The following MTA3 variants were observed in gnomAD, a reference collection of about 807,000 sequenced individuals.
MTA3 encodes metastasis-associated protein MTA3.
A neutral mutation model predicts 83.5 loss-of-function variants in MTA3; 34 were observed. That is an observed-to-expected ratio of 0.41 (90% CI 0.31 to 0.54). The LOEUF (loss-of-function observed/expected upper bound fraction) is 0.54. Ranked by LOEUF, MTA3 falls within the 20% of genes least tolerant of loss-of-function variation. The pLI, the probability that MTA3 is intolerant of heterozygous loss-of-function variation, is 0.33. For synonymous variants in MTA3, 303 were observed against 252.7 expected (o/e 1.20, Z -1.89); for missense variants, 761 against 726.4 (o/e 1.05, Z -0.55).
intron 8 of MTA3, among the ~76,000 whole-genome samples, chr2:42,673,584 T>A (rs1691040531): frequency 6.6e-6 from 1 of 152,230 alleles, no homozygotes; most frequent in African/African-American, 2.4e-5. Flanking sequence ...TGGAAGCAGA[T>A]TCTGATAGCA....
chr2:42,663,200 T>G (rs1689894491), intron 8 of MTA3, among the ~76,000 whole-genome samples: 2 of 152,278 alleles, frequency 1.3e-5, no homozygotes, highest in East Asian at 1.9e-4. Context: ...CCTGCTTGAG[T>G]GCAAGTGGAA....
chr2:42,601,201 A>G (rs1490680511), intron 3 of MTA3, among the ~76,000 whole-genome samples: 1 of 152,064 alleles, frequency 6.6e-6, no homozygotes, highest in African/African-American at 2.4e-5. Context: ...ACCATCCCTG[A>G]CCCATTTTTT....
At chr2:42,742,142 C>CTTT (rs779331968) in intron 16 of MTA3, among the ~76,000 whole-genome samples, 1 of 141,166 alleles carries the variant, frequency 7.1e-6, no homozygotes, top group Admixed American at 7.0e-5. Context: ...TTCTTTCTTT[C>CTTT]TTTTTTTTTT....
Position 42,524,481 on chromosome 2 carries a change from T to TTG in MTA3, c.-141+29228_-141+29229insGT, listed in dbSNP as rs1553337471. On this transcript the variant is annotated intron_variant, in intron 2 of 17. Coordinates refer to the MTA3 transcript ENST00000405592. ...ACGCCTGGCTAGTTGTGTTTTTTTT[T>TTG]TTTTTTTTTTTTTTTGTATTTTTTA... Among the ~76,000 whole-genome samples the TTG allele has an allele frequency of 4.6e-4, 60 of 130,320 alleles. No homozygotes were observed. In the East Asian group the frequency reaches 6.4e-3, roughly 14 times the overall value. The allele number at this position is 130,320 out of a possible 152,430, so 85.5% of individuals were successfully genotyped here.
Position 42,659,764 on chromosome 2 carries a change from G to C in MTA3, c.604G>C (p.Ala202Pro). ...TTATTGTGTTTGTGGTTTATTCAGT[G>C]CTGTTGGGACATTCGCCAGAGCCCT... is the stretch of plus-strand genomic sequence containing the variant. The part of the protein sequence containing the change: ...QIDQFLVVAR[A>P]VGTFARALDC... The change falls in exon 8 of 17, where the codon GCT becomes CCT. Residue 202 changes from alanine to proline, a missense_variant and splice_region_variant. Transcript: ENST00000405094. The C allele has an allele frequency of 6.3e-7, 1 of 1,591,340 alleles. No homozygotes were observed. The highest frequency in any genetic ancestry group is 8.6e-7 in the Non-Finnish European group (1 of 1,169,284).
intron 9 of MTA3, among the ~76,000 whole-genome samples, chr2:42,692,574 A>G (rs944981655): frequency 6.6e-6 from 1 of 151,930 alleles, no homozygotes; most frequent in African/African-American, 2.4e-5. Context: ...ACAGACATGC[A>G]TCACTATGCC....
rs534978863 is a variant in MTA3, at chr2:42,747,574, C to T, written c.1760-5800C>T. Among the ~76,000 whole-genome samples the T allele has an allele frequency of 8.0e-4, 121 of 151,190 alleles. 2 individuals carry two copies. Among genetic ancestry groups the T allele is most frequent in the African/African-American group, 2.8e-3 (115 of 41,278 alleles). ...GGCCTGCTCTTGAAGCTTTAAGGTG[C>T]CCCAACAGTATAACAAGCGCAATGG... On this transcript the variant is annotated intron_variant, in intron 16 of 16. Coordinates refer to ENST00000405094, the MANE Select transcript of MTA3 (RefSeq NM_001330442.2).
chr2:42,589,662 C>T (rs1680736721), intron 3 of MTA3, among the ~76,000 whole-genome samples: 2 of 152,148 alleles, frequency 1.3e-5, no homozygotes, highest in African/African-American at 4.8e-5. Flanking sequence ...AAGCGATTCT[C>T]CTGCCTCAGC....
intron 3 of MTA3, among the ~76,000 whole-genome samples, chr2:42,600,730 G>A (rs1682461061): frequency 6.6e-6 from 1 of 151,970 alleles, no homozygotes; most frequent in Admixed American, 6.6e-5. Context: ...TAATAGAGAT[G>A]GGGTTTCGCC....
rs909939024 is a variant in MTA3, at chr2:42,755,056, G to A, written c.*1657G>A. ...CTGTGTCAGAAGCATTTGGTGAGAGGGGTGGAGGTGGCAGGCAGGGGTTCT... is the reference window on the plus strand; with the variant it reads ...CTGTGTCAGAAGCATTTGGTGAGAGAGGTGGAGGTGGCAGGCAGGGGTTCT... On this transcript the variant is annotated 3_prime_UTR_variant, in exon 17 of 17. Transcript: ENST00000405094. The A allele has an allele frequency of 1.1e-5, 11 of 985,518 alleles. No homozygotes were observed. The highest frequency in any genetic ancestry group is 1.3e-5 in the Non-Finnish European group (11 of 830,128). The allele number at this position is 985,518 out of a possible 1,614,324, so 61.0% of individuals were successfully genotyped here. A position where few individuals can be genotyped will look rare whatever the true frequency, so the allele number is the denominator to read the frequency against.
chr2:42,721,392 A>G (rs1054341573), intron 15 of MTA3, among the ~76,000 whole-genome samples: 4 of 148,066 alleles, frequency 2.7e-5, no homozygotes, highest in African/African-American at 1.0e-4. Context: ...CAATGTCTCC[A>G]TCTTGGCTCA....
At chr2:42,631,762 T>C (rs1343632277) in intron 4 of MTA3, among the ~76,000 whole-genome samples, 2 of 152,236 alleles carry the variant, frequency 1.3e-5, no homozygotes, top group East Asian at 3.9e-4. Flanking sequence ...CAGTCTTGGC[T>C]CATTGCAACC....
chr2:42,550,031 T>A (rs1202237550), intron 2 of MTA3, among the ~76,000 whole-genome samples: 1 of 152,034 alleles, frequency 6.6e-6, no homozygotes, highest in African/African-American at 2.4e-5. Context: ...AGCACAAGAA[T>A]AATGGTGCTG....
intron 2 of MTA3, among the ~76,000 whole-genome samples, chr2:42,515,384 A>G (rs559917694): frequency 3.9e-5 from 6 of 152,034 alleles, no homozygotes; most frequent in East Asian, 2.0e-4. Flanking sequence ...GATGGCATCT[A>G]TGTTGTCCAA....
chr2:42,515,910 G>A (rs1203304894), intron 2 of MTA3, among the ~76,000 whole-genome samples: 1 of 148,990 alleles, frequency 6.7e-6, no homozygotes, highest in Non-Finnish European at 1.5e-5. Flanking sequence ...GTGCGATCTC[G>A]GCTCACTGCC....
chr2:42,732,840 A>G (rs1183264813), intron 16 of MTA3, among the ~76,000 whole-genome samples: 3 of 152,210 alleles, frequency 2.0e-5, no homozygotes, highest in Non-Finnish European at 2.9e-5. Context: ...GGCAGGGGCA[A>G]AATGCCACTA....
At chr2:42,503,467 A>T (rs1325171080) in intron 2 of MTA3, among the ~76,000 whole-genome samples, 2 of 152,152 alleles carry the variant, frequency 1.3e-5, no homozygotes, top group African/African-American at 4.8e-5. Context: ...CCGTCTGGGA[A>T]TGCAGCCCAC....
chr2:42,512,094 G>C (rs901351154), intron 2 of MTA3, among the ~76,000 whole-genome samples: 1 of 150,822 alleles, frequency 6.6e-6, no homozygotes, highest in Middle Eastern at 3.2e-3. Context: ...GAGAAGTATA[G>C]CAATCTGGAA....
intron 16 of MTA3, among the ~76,000 whole-genome samples, chr2:42,746,560 AC>A (rs1669447939): frequency 6.6e-6 from 1 of 152,128 alleles, no homozygotes; most frequent in African/African-American, 2.4e-5. Context: ...CAAGACTGCC[AC>A]CCGACTTCCA....
Sources: gnomAD v4.1 joint callset for allele counts (sites outside exome capture counted in the v4.1 genomes callset) on GRCh38, gnomAD v4.1.1 for gene constraint, MANE v1.5 for transcripts, NCBI Gene and HGNC (gene_info 2026-07-23, HGNC 2026-07-21) for gene names.